Variants in CHN2 observed in about 807,000 individuals in gnomAD.
CHN2 encodes beta-chimaerin.
CHN2 carries 35 observed loss-of-function variants against 56.3 expected under a neutral mutation model. The ratio of observed to expected loss-of-function variants is 0.62; its 90% confidence interval spans 0.47 to 0.82. The LOEUF is 0.82. Among genes scored for constraint, CHN2 ranks in the 40% least tolerant of loss-of-function variants. The pLI, the probability that CHN2 is intolerant of heterozygous loss-of-function variation, is 0.00. For missense variants in CHN2, 491 were observed against 580.5 expected, an observed-to-expected ratio of 0.85 and a Z score of 1.58; for synonymous variants, 210 against 212.8, an observed-to-expected ratio of 0.99 and a Z score of 0.12.
intron 1 of CHN2, among the ~76,000 whole-genome samples, chr7:29,353,784 C>T (rs192607881): frequency 6.6e-6 from 1 of 152,274 alleles, no homozygotes; most frequent in East Asian, 1.9e-4. Context: ...TCAAGGTTCC[C>T]TCACATCAAC....
At chr7:29,405,161 C>CACA (rs1554287645) in intron 6 of CHN2, among the ~76,000 whole-genome samples, 1 of 49,810 alleles carries the variant, frequency 2.0e-5, no homozygotes, top group African/African-American at 6.0e-5. Flanking sequence ...GCTTATGTCA[C>CACA]CATACACACA....
chr7:29,162,049 A>T (rs777797439), intron 2 of CHN2, among the ~76,000 whole-genome samples: 1 of 152,242 alleles, frequency 6.6e-6, no homozygotes, highest in African/African-American at 2.4e-5. Flanking sequence ...ATGCAGGGAA[A>T]CTGGATCTCT....
At chr7:29,157,913 T>TGAAAG (rs1156636742) in intron 2 of CHN2, among the ~76,000 whole-genome samples, 1 of 152,146 alleles carries the variant, frequency 6.6e-6, no homozygotes, top group African/African-American at 2.4e-5. Context: ...TCCTTTCATT[T>TGAAAG]TACTCTTCCT....
chr7:29,418,898 T>C (rs1205832668), intron 6 of CHN2, among the ~76,000 whole-genome samples: 1 of 152,326 alleles, frequency 6.6e-6, no homozygotes, highest in East Asian at 1.9e-4. Flanking sequence ...GCTCTGCCAG[T>C]CTAGCCTCGT....
intron 1 of CHN2, among the ~76,000 whole-genome samples, chr7:29,328,699 A>G (rs967578078): frequency 1.3e-5 from 2 of 151,866 alleles, no homozygotes; most frequent in Admixed American, 6.6e-5. Flanking sequence ...CAGCAGAAAA[A>G]GGCTAATCCA....
chr7:29,412,565 G>A (rs1222935552), intron 6 of CHN2, among the ~76,000 whole-genome samples: 1 of 152,040 alleles, frequency 6.6e-6, no homozygotes, highest in Non-Finnish European at 1.5e-5. Flanking sequence ...TCTTGACCTC[G>A]TGATCCGCCC....
At chr7:29,255,732 C>T (rs1489453112) in intron 1 of CHN2, among the ~76,000 whole-genome samples, 3 of 152,162 alleles carry the variant, frequency 2.0e-5, no homozygotes, top group Non-Finnish European at 4.4e-5. Context: ...CCCTTCTCAT[C>T]TTTTATATAT....
rs61159288 is a variant in CHN2 at position 29,228,204 on chromosome 7, G to GGAGA, written c.49+33225_49+33228dup. On this transcript the variant is annotated intron_variant, in intron 1 of 12. Transcript: ENST00000222792. ...TGTGTGTGTGTGTTTGTGTGTTTGT[G>GGAGA]GAGAGAGAGAGAGACAGAGAGAGAG... Among the ~76,000 whole-genome samples, 1,018 of 150,210 alleles carry GGAGA rather than the reference G, an allele frequency of 6.8e-3. 15 individuals carry two copies. Among genetic ancestry groups the GGAGA allele is most frequent in the African/African-American group, 0.023 (960 of 41,020 alleles).
intron 6 of CHN2, among the ~76,000 whole-genome samples, chr7:29,438,250 AC>A (rs1364089825): frequency 2.0e-5 from 3 of 152,226 alleles, no homozygotes; most frequent in Admixed American, 6.5e-5. Flanking sequence ...AAAATTTTTT[AC>A]CTATTGAAAT....
At chr7:29,355,598 T>C (rs1798230137) in intron 2 of CHN2, among the ~76,000 whole-genome samples, 1 of 151,826 alleles carries the variant, frequency 6.6e-6, no homozygotes, top group Non-Finnish European at 1.5e-5. Context: ...GAGCCCACTG[T>C]GTCCAGAGCC....
chr7:29,370,930 T>C (rs139152084), intron 3 of CHN2, among the ~76,000 whole-genome samples: 2,034 of 152,312 alleles, frequency 0.013, 26 homozygotes, highest in Admixed American at 0.019. Flanking sequence ...CTTGGACTTG[T>C]TTTGACTTCT....
At chr7:29,248,224 A>C (rs1788224325) in intron 1 of CHN2, among the ~76,000 whole-genome samples, 7 of 152,216 alleles carry the variant, frequency 4.6e-5, no homozygotes, top group Admixed American at 4.6e-4. Flanking sequence ...TGGTCCTAGC[A>C]GCTGGTGGCA....
intron 2 of CHN2, among the ~76,000 whole-genome samples, chr7:29,362,341 G>A (rs1798803108): frequency 6.6e-6 from 1 of 152,190 alleles, no homozygotes; most frequent in Non-Finnish European, 1.5e-5. Flanking sequence ...GGGAATAACA[G>A]TTACCTTGGA....
At position 29,146,706 on chromosome 7, in the gene CHN2, CTT is replaced by C. The variant is rs1792742869; in HGVS notation, c.124_125del (p.Leu42LysfsTer3). ...GAAGCAAGCAGCCCCAGGGTGGAAT[CTT>C]AAAAATTAATGAAGAGCATCGGCGG... On this transcript the variant is annotated frameshift_variant, in exon 1 of 7. Transcript: ENST00000439384. LOFTEE classifies it high-confidence loss of function. 2 of 1,550,656 alleles carry C rather than the reference CTT, an allele frequency of 1.3e-6. No individual in the cohort carries two copies. Among genetic ancestry groups the C allele is most frequent in the Non-Finnish European group, 1.7e-6 (2 of 1,147,008 alleles).
chr7:29,415,643 A>C (rs1355639229), intron 6 of CHN2, among the ~76,000 whole-genome samples: 1 of 152,088 alleles, frequency 6.6e-6, no homozygotes, highest in Non-Finnish European at 1.5e-5. Context: ...GGGAGGCTGG[A>C]GATGGGCGGG....
intron 6 of CHN2, among the ~76,000 whole-genome samples, chr7:29,430,550 T>A (rs1015219872): frequency 6.6e-6 from 1 of 152,170 alleles, no homozygotes; most frequent in African/African-American, 2.4e-5. Context: ...GGCCGTGGCC[T>A]TTTTTGAGTC....
intron 3 of CHN2, among the ~76,000 whole-genome samples, chr7:29,371,986 T>TAC (rs1562555139): frequency 1.3e-5 from 2 of 151,882 alleles, no homozygotes; most frequent in Non-Finnish European, 2.9e-5. Flanking sequence ...AGCTCACATA[T>TAC]ACACACACAC....
intron 6 of CHN2, among the ~76,000 whole-genome samples, chr7:29,426,206 C>CA (rs10630481): frequency 0.33 from 27,856 of 83,468 alleles, 6,269 homozygotes; most frequent in East Asian, 0.64. Flanking sequence ...GACTCTGTCT[C>CA]AAAAAAAAAA....
At chr7:29,397,204 G>GC (rs1232877601) in intron 4 of CHN2, 1 of 152,224 alleles carries the variant, frequency 6.6e-6, no homozygotes, top group African/African-American at 2.4e-5. Flanking sequence ...AGAAGCTTCA[G>GC]CTTGGAAGGT....
Sources: allele counts gnomAD v4.1 joint callset (sites outside exome capture counted in the v4.1 genomes callset), GRCh38; gene constraint gnomAD v4.1.1; transcripts MANE v1.5; gene names NCBI Gene and HGNC (gene_info 2026-07-23, HGNC 2026-07-21).